Variants in NAP1L4 observed in about 807,000 individuals in gnomAD.
The protein encoded by NAP1L4 is nucleosome assembly protein 1 like 4.
In NAP1L4, 15 loss-of-function variants were observed where a neutral mutation model predicts 58.2. The observed-to-expected ratio is 0.26, with a 90% CI of 0.17 to 0.40. The LOEUF is 0.40. NAP1L4 is among the 10% of genes least tolerant of loss of function. NAP1L4 has a pLI of 1.00. For synonymous variants in NAP1L4, 171 were observed against 155.6 expected, an observed-to-expected ratio of 1.10 and a Z score of -0.74; for missense variants, 384 against 451.1, an observed-to-expected ratio of 0.85 and a Z score of 1.35.
intron 6 of NAP1L4, among the ~76,000 whole-genome samples, chr11:2,970,790 G>A (rs1336279264): frequency 6.6e-6 from 1 of 151,302 alleles, no homozygotes; most frequent in East Asian, 1.9e-4. Flanking sequence ...ATTAGGCCAG[G>A]TTCTATATAT....
chr11:2,957,588 A>G (rs1002876577), intron 10 of NAP1L4, among the ~76,000 whole-genome samples: 3 of 152,248 alleles, frequency 2.0e-5, no homozygotes, highest in Non-Finnish European at 4.4e-5. Context: ...GAGAATATGG[A>G]TATTTTAACA....
In NAP1L4 at chr11:2,951,127, TGACACA is replaced by T; in HGVS notation, c.1122+126_1122+131del. The stretch of plus-strand genomic sequence containing the variant: ...CTGAATAATCATTCCACTATTTTTC[TGACACA>T]TTTTAAACTTTCTAATTAGGGAATA... On this transcript the variant is annotated intron_variant, in intron 14 of 15. Coordinates refer to ENST00000380542, the MANE Select transcript of NAP1L4 (RefSeq NM_005969.4). The surrounding 1 kb of genome is among the most constrained non-coding windows in gnomAD (Gnocchi z 4.0). 2 of 729,376 alleles carry T rather than the reference TGACACA, an allele frequency of 2.7e-6. No individual in the cohort carries two copies. Among genetic ancestry groups the T allele is most frequent in the Admixed American group, 2.3e-5 (1 of 43,232 alleles). The allele number at this position is 729,376 out of a possible 1,614,324, so 45.2% of individuals were successfully genotyped here.
At chr11:2,987,510 C>T (rs1297060632) in intron 1 of NAP1L4, among the ~76,000 whole-genome samples, 1 of 151,366 alleles carries the variant, frequency 6.6e-6, no homozygotes, top group Non-Finnish European at 1.5e-5. Flanking sequence ...AATCCCAGCA[C>T]TTTGAGAGGC....
intron 1 of NAP1L4, chr11:2,990,539 G>A (rs949631588): frequency 1.3e-5 from 2 of 152,248 alleles, no homozygotes; most frequent in African/African-American, 4.8e-5. Context: ...AGAATTTTGA[G>A]ATGGAAATGA....
At chr11:2,974,136 T>C (rs1423158767) in intron 4 of NAP1L4, among the ~76,000 whole-genome samples, 1 of 152,270 alleles carries the variant, frequency 6.6e-6, no homozygotes, top group African/African-American at 2.4e-5. Flanking sequence ...AAAGGATTTT[T>C]TTTTTTAATT....
At chr11:2,964,647 TG>T in intron 8 of NAP1L4, 32 bp downstream of exon 8, 1 of 1,583,624 alleles carries the variant, frequency 6.3e-7, no homozygotes, top group Admixed American at 1.7e-5. Context: ...TGACCCTGTC[TG>T]ATGCCAACCA....
intron 7 of NAP1L4, among the ~76,000 whole-genome samples, chr11:2,965,821 C>T (rs1364996780): frequency 6.6e-6 from 1 of 152,188 alleles, no homozygotes; most frequent in Non-Finnish European, 1.5e-5. Context: ...TGAGCCACCG[C>T]GCCCGGCCAC....
chr11:2,991,055 A>G, intron 1 of NAP1L4: 6 of 455,862 alleles, frequency 1.3e-5, no homozygotes, highest in Non-Finnish European at 2.2e-5. Flanking sequence ...GGGGGATGCG[A>G]ACCAAAGCAC....
Position 2,944,728 on chromosome 11 carries a change from C to G in NAP1L4, c.*951G>C, listed in dbSNP as rs755810911. ...TTGACGCTCATACGCTCCACTGAAA[C>G]GCAGGACTTCCCAGCCCAGTCCCTC... On this transcript the variant is annotated 3_prime_UTR_variant, in exon 16 of 16. Coordinates refer to ENST00000380542, the MANE Select transcript of NAP1L4 (RefSeq NM_005969.4). The G allele has an allele frequency of 6.6e-6, 1 of 152,244 alleles. No homozygotes were observed. The highest frequency in any genetic ancestry group is 1.9e-4 in the East Asian group (1 of 5,194). 9.4% of individuals were successfully genotyped at this position (152,244 alleles called of 1,614,324 possible).
At chr11:2,982,507 G>A (rs1437326621) in intron 1 of NAP1L4, among the ~76,000 whole-genome samples, 1 of 152,184 alleles carries the variant, frequency 6.6e-6, no homozygotes, top group Non-Finnish European at 1.5e-5. Context: ...GGACCTACAT[G>A]TCAGGCACTT....
chr11:2,981,171 G>A (rs985659190), intron 1 of NAP1L4, among the ~76,000 whole-genome samples: 23 of 151,734 alleles, frequency 1.5e-4, no homozygotes, highest in Non-Finnish European at 2.8e-4. Flanking sequence ...ACAGGAGGCA[G>A]AGGTTGCAGT....
At position 2,954,715 on chromosome 11, in the gene NAP1L4, C is replaced by G; in HGVS notation, c.916-69G>C. On this transcript the variant is annotated intron_variant, in intron 11 of 15. Coordinates refer to ENST00000380542, the MANE Select transcript of NAP1L4 (RefSeq NM_005969.4). This position sits in a 1 kb window ranked among gnomAD's most constrained non-coding sequence, Gnocchi z 4.8. Reference sequence around the variant, plus strand: ...AAAACATTCACTTCACCACCCTCAGCCAAACCTCAGCCCCTCACTTTTGAT... The same window carrying G: ...AAAACATTCACTTCACCACCCTCAGGCAAACCTCAGCCCCTCACTTTTGAT... 1 of 1,596,996 alleles carries G rather than the reference C, an allele frequency of 6.3e-7. No homozygotes were observed. Among genetic ancestry groups the G allele is most frequent in the Non-Finnish European group, 8.6e-7 (1 of 1,166,494 alleles).
In NAP1L4 at chr11:2,951,638, T is replaced by C; in HGVS notation, c.1065+142A>G. The C allele has an allele frequency of 2.5e-6, 2 of 816,082 alleles. No individual in the cohort carries two copies. The highest frequency in any genetic ancestry group is 3.1e-5 in the South Asian group (2 of 65,002). 50.6% of individuals were successfully genotyped at this position (816,082 alleles called of 1,614,324 possible). A position where few individuals can be genotyped will look rare whatever the true frequency, so the allele number is the denominator to read the frequency against. ...ATTTGCTATGCATTTCTGCTTAGTG[T>C]TTTAAGAACATTCTTAGAATCAAAG... On this transcript the variant is annotated intron_variant, in intron 13 of 15. Coordinates refer to ENST00000380542, the MANE Select transcript of NAP1L4 (RefSeq NM_005969.4). This position sits in a 1 kb window ranked among gnomAD's most constrained non-coding sequence, Gnocchi z 4.0.
At chr11:2,967,543 G>A (rs559981093) in intron 7 of NAP1L4, among the ~76,000 whole-genome samples, 1 of 151,492 alleles carries the variant, frequency 6.6e-6, no homozygotes, top group South Asian at 2.1e-4. Flanking sequence ...CCCAGGAGGT[G>A]GAGCTTACAG....
Position 2,959,628 on chromosome 11 carries a change from G to C in NAP1L4, c.746+142C>G, listed in dbSNP as rs529721002. 83 of 987,694 alleles carry C rather than the reference G, an allele frequency of 8.4e-5. No homozygotes were observed. Among genetic ancestry groups the C allele is most frequent in the Middle Eastern group, 6.7e-4 (2 of 2,988 alleles). 61.2% of individuals were successfully genotyped at this position (987,694 alleles called of 1,614,324 possible). A position where few individuals can be genotyped will look rare whatever the true frequency, so the allele number is the denominator to read the frequency against. On this transcript the variant is annotated intron_variant, in intron 9 of 15. Transcript: ENST00000380542. This position sits in a 1 kb window ranked among gnomAD's most constrained non-coding sequence, Gnocchi z 4.9. ...AGCATTCCCAAACTGAAAGACTATT[G>C]AAATATACATCTACCAGGCTTTTAG... is the stretch of plus-strand genomic sequence containing the variant.
At chr11:2,969,672 G>T in intron 7 of NAP1L4, 131 bp downstream of exon 7, 2 of 934,294 alleles carry the variant, frequency 2.1e-6, no homozygotes, top group Non-Finnish European at 3.0e-6. Context: ...TGAGGTCCTG[G>T]TCAGAGAAAG....
chr11:2,945,627 G>C lies in NAP1L4; in HGVS notation c.*52C>G, dbSNP rs1845900581. 4 of 1,535,834 alleles carry C rather than the reference G, an allele frequency of 2.6e-6. No homozygotes were observed. Among genetic ancestry groups the C allele is most frequent in the Admixed American group, 2.0e-5 (1 of 50,968 alleles). On this transcript the variant is annotated 3_prime_UTR_variant, in exon 16 of 16. Coordinates refer to ENST00000380542, the MANE Select transcript of NAP1L4 (RefSeq NM_005969.4). ...CGCTTCCTACTGCTGCTTGCATTCC[G>C]CCGGCTGGCTGGGTTCCTTCTGTCA...
At chr11:2,964,648 G>A (rs766123123) in intron 8 of NAP1L4, 32 bp downstream of exon 8, 6 of 1,584,726 alleles carry the variant, frequency 3.8e-6, no homozygotes, top group Non-Finnish European at 5.2e-6. Context: ...GACCCTGTCT[G>A]ATGCCAACCA....
In NAP1L4 at chr11:2,945,534, GCGGCAAGGA is replaced by G; in HGVS notation, c.*136_*144del. On this transcript the variant is annotated 3_prime_UTR_variant, in exon 16 of 16. Transcript: ENST00000380542. The stretch of plus-strand genomic sequence containing the variant: ...TAAGCTCTGTCCACGGGATTGTGCT[GCGGCAAGGA>G]CCGAGGCCCCGCCCACAGGCCTGGA... 1 of 1,311,004 alleles carries G rather than the reference GCGGCAAGGA, an allele frequency of 7.6e-7. No individual in the cohort carries two copies. Among genetic ancestry groups the G allele is most frequent in the Non-Finnish European group, 1.1e-6 (1 of 948,092 alleles). 81.2% of individuals were successfully genotyped at this position (1,311,004 alleles called of 1,614,324 possible).
Sources: allele counts gnomAD v4.1 joint callset (sites outside exome capture counted in the v4.1 genomes callset), GRCh38; gene constraint gnomAD v4.1.1; non-coding constraint Gnocchi (gnomAD v3.1); transcripts MANE v1.5; gene names NCBI Gene and HGNC (gene_info 2026-07-23, HGNC 2026-07-21).